LINGO2: variants seen among roughly 807,000 people sequenced by gnomAD.
LINGO2 encodes leucine rich repeat and Ig domain containing 2.
Under a neutral mutation model 30.6 loss-of-function variants are expected in LINGO2, and 14 were observed. The observed-to-expected ratio is 0.46, with a 90% confidence interval of 0.30 to 0.72. LINGO2 has a LOEUF of 0.72. Ranked by LOEUF, LINGO2 falls within the 30% of genes least tolerant of loss-of-function variation. The pLI is 0.07. For synonymous variants in LINGO2, 317 were observed against 288.5 expected, an observed-to-expected ratio of 1.10 and a Z score of -1.00; for missense variants, 729 against 751.7, an observed-to-expected ratio of 0.97 and a Z score of 0.35.
chr9:27,995,092 CATT>C (rs1314997459), intron 5 of LINGO2, among the ~76,000 whole-genome samples: 1 of 152,040 alleles, frequency 6.6e-6, no homozygotes, highest in Non-Finnish European at 1.5e-5. Context: ...TACAAAGAAT[CATT>C]AGAGAATCGT....
chr9:28,480,809 T>C (rs1385492323), intron 1 of LINGO2, among the ~76,000 whole-genome samples: 2 of 152,084 alleles, frequency 1.3e-5, no homozygotes, highest in Non-Finnish European at 2.9e-5. Flanking sequence ...GATTCCCTTC[T>C]ATAACATATA....
chr9:28,725,453 T>C, the LINGO2 span, among the ~76,000 whole-genome samples: 1 of 151,534 alleles, frequency 6.6e-6, no homozygotes, highest in African/African-American at 2.4e-5. Context: ...ATGAACAACG[T>C]ATCACCGTTC....
At chr9:27,982,727 A>G (rs2118925998) in intron 5 of LINGO2, among the ~76,000 whole-genome samples, 1 of 152,002 alleles carries the variant, frequency 6.6e-6, no homozygotes, top group East Asian at 1.9e-4. Context: ...TTGTGCTGAG[A>G]GCAGAGAACC....
At chr9:28,055,736 A>G (rs1824904718) in intron 4 of LINGO2, among the ~76,000 whole-genome samples, 1 of 152,178 alleles carries the variant, frequency 6.6e-6, no homozygotes, top group Admixed American at 6.6e-5. Context: ...TATGTACTCA[A>G]AGACAAGTCT....
chr9:27,971,507 C>A (rs1460525489), intron 5 of LINGO2, among the ~76,000 whole-genome samples: 1 of 152,110 alleles, frequency 6.6e-6, no homozygotes, highest in Non-Finnish European at 1.5e-5. Flanking sequence ...TTCAGCCACC[C>A]AAGTAGCTGG....
At chr9:28,063,621 GAAGT>G (rs1392141378) in intron 4 of LINGO2, among the ~76,000 whole-genome samples, 7 of 152,048 alleles carry the variant, frequency 4.6e-5, no homozygotes, top group African/African-American at 1.2e-4. Context: ...ATACATGGAA[GAAGT>G]AAGAATTAAA....
At chr9:28,721,990 T>A in the LINGO2 span, among the ~76,000 whole-genome samples, 4 of 151,806 alleles carry the variant, frequency 2.6e-5, no homozygotes, top group African/African-American at 9.7e-5. Context: ...AATGGGAAAA[T>A]CTTCATGAGG....
At chr9:28,949,549 G>A in the LINGO2 span, among the ~76,000 whole-genome samples, 278 of 152,138 alleles carry the variant, frequency 1.8e-3, 1 homozygote, top group African/African-American at 6.3e-3. Context: ...ACCCTCCCAA[G>A]ACTAAACCAG....
chr9:28,226,317 C>G (rs2133915585), intron 4 of LINGO2, among the ~76,000 whole-genome samples: 1 of 152,212 alleles, frequency 6.6e-6, no homozygotes, highest in South Asian at 2.1e-4. Context: ...CAAGACCCAT[C>G]TAGTACCTCT....
At chr9:28,900,701 C>A in the LINGO2 span, among the ~76,000 whole-genome samples, 1 of 152,180 alleles carries the variant, frequency 6.6e-6, no homozygotes, top group Non-Finnish European at 1.5e-5. Context: ...CAAAGCCAGT[C>A]TGCAAAGACT....
At chr9:28,776,108 A>C in the LINGO2 span, among the ~76,000 whole-genome samples, 1 of 152,286 alleles carries the variant, frequency 6.6e-6, no homozygotes, top group South Asian at 2.1e-4. Flanking sequence ...AAGTCAGTTT[A>C]TGGAATACTT....
chr9:28,794,658 T>C, the LINGO2 span, among the ~76,000 whole-genome samples: 1 of 152,134 alleles, frequency 6.6e-6, no homozygotes, highest in Admixed American at 6.5e-5. Context: ...TGACATCCAG[T>C]AAGATTTATT....
the LINGO2 span, among the ~76,000 whole-genome samples, chr9:28,841,492 A>C: frequency 6.6e-6 from 1 of 151,896 alleles, no homozygotes; most frequent in Non-Finnish European, 1.5e-5. Flanking sequence ...CTAGGCACTA[A>C]ATATTTAATG....
At chr9:28,069,842 C>T (rs1031391414) in intron 4 of LINGO2, among the ~76,000 whole-genome samples, 15 of 152,170 alleles carry the variant, frequency 9.9e-5, no homozygotes, top group African/African-American at 3.4e-4. Flanking sequence ...CAGAGATTAA[C>T]AGTGAGGCCA....
At position 28,250,613 on chromosome 9, in the gene LINGO2, A is replaced by G. The variant is rs75902583; in HGVS notation, c.-87+44595T>C. Among the ~76,000 whole-genome samples the G allele has an allele frequency of 4.9e-3, 741 of 152,292 alleles. 6 individuals are homozygous for G. Among genetic ancestry groups the G allele is most frequent in the African/African-American group, 0.017 (715 of 41,572 alleles). On this transcript the variant is annotated intron_variant, in intron 4 of 5. Coordinates refer to ENST00000379992, the Ensembl canonical transcript of LINGO2. ...AATATCTGTGTCCCCATCCCCGCTC[A>G]TGATGGCTGAATGGGCAGGGAAGAC...
At chr9:28,012,173 A>T (rs188528934) in intron 5 of LINGO2, among the ~76,000 whole-genome samples, 9 of 152,094 alleles carry the variant, frequency 5.9e-5, no homozygotes, top group African/African-American at 1.9e-4. Flanking sequence ...CTTTTTGCCC[A>T]CCACAGGGTA....
chr9:29,204,520 C>T, the LINGO2 span, among the ~76,000 whole-genome samples: 151,844 of 152,310 alleles, frequency 1, 75,690 homozygotes, highest in Middle Eastern at 1. Context: ...ACCCAATAAA[C>T]ACCTGAAGAA....
intron 2 of LINGO2, among the ~76,000 whole-genome samples, chr9:28,475,362 T>C (rs761733034): frequency 3.9e-5 from 6 of 152,172 alleles, no homozygotes; most frequent in Non-Finnish European, 8.8e-5. Context: ...ATTTTGGCAG[T>C]GGATACAATT....
chr9:28,596,751 T>C (rs1825202312), intron 1 of LINGO2, among the ~76,000 whole-genome samples: 3 of 152,198 alleles, frequency 2.0e-5, no homozygotes, highest in Non-Finnish European at 4.4e-5. Context: ...ATAATATACA[T>C]CATTATCTTT....
Sources: allele counts gnomAD v4.1 joint callset (sites outside exome capture counted in the v4.1 genomes callset), GRCh38; gene constraint gnomAD v4.1.1; transcripts MANE v1.5; gene names NCBI Gene and HGNC (gene_info 2026-07-23, HGNC 2026-07-21).